CNTNAP2: variants seen among roughly 807,000 people sequenced by gnomAD.
The protein encoded by CNTNAP2 is contactin associated protein 2.
A neutral mutation model predicts 155.2 loss-of-function variants in CNTNAP2; 98 were observed. That is an observed-to-expected ratio of 0.63 (90% CI 0.54 to 0.75). The LOEUF is 0.75. Among genes scored for constraint, CNTNAP2 ranks in the 30% least tolerant of loss-of-function variants. The pLI, the probability that CNTNAP2 is intolerant of heterozygous loss-of-function variation, is 0.00. For missense variants in CNTNAP2, 1,727 were observed against 1,688.1 expected (o/e 1.02, Z -0.40); for synonymous variants, 651 against 631.2 (o/e 1.03, Z -0.47).
intron 3 of CNTNAP2, among the ~76,000 whole-genome samples, chr7:147,040,063 A>G (rs1040283278): frequency 6.6e-6 from 1 of 152,236 alleles, no homozygotes; most frequent in African/African-American, 2.4e-5. Context: ...GCACCTGACA[A>G]AGGTCTAATA....
chr7:147,080,672 T>C (rs1353782811), intron 4 of CNTNAP2, among the ~76,000 whole-genome samples: 2 of 146,226 alleles, frequency 1.4e-5, no homozygotes, highest in East Asian at 3.9e-4. Flanking sequence ...ATATGACATA[T>C]ATATAACATA....
chr7:146,523,276 G>C (rs1410436526), intron 1 of CNTNAP2, among the ~76,000 whole-genome samples: 1 of 151,722 alleles, frequency 6.6e-6, no homozygotes, highest in Non-Finnish European at 1.5e-5. Context: ...GTAAAATTTC[G>C]GTCCAATTCT....
chr7:147,356,095 G>A (rs1441926299), intron 9 of CNTNAP2, among the ~76,000 whole-genome samples: 3 of 152,108 alleles, frequency 2.0e-5, no homozygotes, highest in Non-Finnish European at 4.4e-5. Flanking sequence ...CCATGATCAA[G>A]TCAGCTTCAT....
chr7:146,753,069 C>T (rs574491951), intron 1 of CNTNAP2, among the ~76,000 whole-genome samples: 11 of 152,238 alleles, frequency 7.2e-5, no homozygotes, highest in Admixed American at 6.5e-4. Flanking sequence ...CTGACCAAAG[C>T]TTCATCCTGT....
chr7:146,705,397 C>T (rs1197185779), intron 1 of CNTNAP2, among the ~76,000 whole-genome samples: 2 of 151,930 alleles, frequency 1.3e-5, no homozygotes, highest in South Asian at 2.1e-4. Context: ...TCTGTGTTCT[C>T]GCATGGTGGG....
intron 2 of CNTNAP2, among the ~76,000 whole-genome samples, chr7:146,789,599 CAAA>C (rs35157587): frequency 8.1e-6 from 1 of 122,902 alleles, no homozygotes; most frequent in Non-Finnish European, 1.7e-5. Context: ...GGGTGGCAGG[CAAA>C]AAAAAAAAAG....
At chr7:147,447,750 C>T (rs1463671912) in intron 10 of CNTNAP2, among the ~76,000 whole-genome samples, 1 of 151,884 alleles carries the variant, frequency 6.6e-6, no homozygotes, top group Non-Finnish European at 1.5e-5. Flanking sequence ...GCCTTCTTTA[C>T]AATTTTTCTT....
intron 1 of CNTNAP2, among the ~76,000 whole-genome samples, chr7:146,677,464 G>A (rs1489274584): frequency 6.6e-6 from 1 of 152,246 alleles, no homozygotes; most frequent in Admixed American, 6.5e-5. Flanking sequence ...TGGTAACAAG[G>A]CATATTTTCA....
intron 22 of CNTNAP2, among the ~76,000 whole-genome samples, chr7:148,408,645 C>G (rs1799757262): frequency 6.6e-6 from 1 of 152,202 alleles, no homozygotes; most frequent in Admixed American, 6.5e-5. Flanking sequence ...CTTAACTTCT[C>G]CAACAGAAGA....
intron 1 of CNTNAP2, among the ~76,000 whole-genome samples, chr7:146,701,228 A>G (rs1384137862): frequency 2.6e-5 from 4 of 152,160 alleles, no homozygotes; most frequent in African/African-American, 9.7e-5. Context: ...TCTAAACATT[A>G]TTAAAATATT....
intron 3 of CNTNAP2, among the ~76,000 whole-genome samples, chr7:147,032,284 G>A (rs1477219393): frequency 2.0e-5 from 3 of 152,218 alleles, no homozygotes; most frequent in Non-Finnish European, 4.4e-5. Flanking sequence ...ATTTCAGAAT[G>A]AGCATCAAGT....
intron 1 of CNTNAP2, among the ~76,000 whole-genome samples, chr7:146,689,515 C>T (rs1347974283): frequency 1.3e-5 from 2 of 151,952 alleles, no homozygotes; most frequent in African/African-American, 4.8e-5. Flanking sequence ...AAACAGTAGG[C>T]CACCAACGTC....
intron 2 of CNTNAP2, among the ~76,000 whole-genome samples, chr7:146,798,512 T>G (rs1045763073): frequency 6.6e-6 from 1 of 152,016 alleles, no homozygotes; most frequent in African/African-American, 2.4e-5. Flanking sequence ...CTAGCTATAT[T>G]TTTTGGTACT....
chr7:146,484,483 C>A (rs1797025865), intron 1 of CNTNAP2, among the ~76,000 whole-genome samples: 1 of 152,070 alleles, frequency 6.6e-6, no homozygotes, highest in African/African-American at 2.4e-5. Flanking sequence ...TGTTTATATT[C>A]ATCAGATTTG....
At chr7:147,950,659 G>A (rs1283035650) in intron 14 of CNTNAP2, among the ~76,000 whole-genome samples, 2 of 152,290 alleles carry the variant, frequency 1.3e-5, no homozygotes, top group African/African-American at 2.4e-5. Context: ...CAGAAGGGTG[G>A]CAGAATATAT....
chr7:146,821,992 A>G (rs1269157111), intron 2 of CNTNAP2, among the ~76,000 whole-genome samples: 8 of 152,006 alleles, frequency 5.3e-5, no homozygotes, highest in African/African-American at 1.7e-4. Flanking sequence ...AAAGGATTAT[A>G]AATCATGCTG....
At chr7:147,505,114 G>T (rs950285373) in intron 11 of CNTNAP2, among the ~76,000 whole-genome samples, 1 of 152,042 alleles carries the variant, frequency 6.6e-6, no homozygotes, top group Non-Finnish European at 1.5e-5. Context: ...ATGCTGCAAA[G>T]CTCACTCCGG....
intron 5 of CNTNAP2, among the ~76,000 whole-genome samples, chr7:147,113,293 C>T (rs1800920265): frequency 1.3e-5 from 2 of 151,968 alleles, no homozygotes; most frequent in South Asian, 4.2e-4. Flanking sequence ...GTGATGCCCC[C>T]CTTACGATTT....
intron 13 of CNTNAP2, among the ~76,000 whole-genome samples, chr7:147,862,132 C>T (rs1473803208): frequency 6.6e-6 from 1 of 151,898 alleles, no homozygotes; most frequent in Non-Finnish European, 1.5e-5. Flanking sequence ...TTCAAGGAAG[C>T]TTTGAAAACC....
Sources: gnomAD v4.1 joint callset for allele counts (sites outside exome capture counted in the v4.1 genomes callset) on GRCh38, gnomAD v4.1.1 for gene constraint, MANE v1.5 for transcripts, NCBI Gene and HGNC (gene_info 2026-07-23, HGNC 2026-07-21) for gene names.